The following ARHGEF26 variants were observed in gnomAD, a reference collection of about 807,000 sequenced individuals.
ARHGEF26 encodes Rho guanine nucleotide exchange factor 26.
A neutral mutation model predicts 89.4 loss-of-function variants in ARHGEF26; 59 were observed. The observed-to-expected ratio is 0.66, with a 90% CI of 0.54 to 0.82. The LOEUF (loss-of-function observed/expected upper bound fraction) is 0.82. Among genes scored for constraint, ARHGEF26 ranks in the 40% least tolerant of loss-of-function variants. The pLI is 0.00. For missense variants in ARHGEF26, 1,234 were observed against 1,085.6 expected (o/e 1.14, Z -1.92); for synonymous variants, 500 against 428.4 (o/e 1.17, Z -2.06).
At chr3:154,165,969 G>A (rs1711994141) in intron 6 of ARHGEF26, among the ~76,000 whole-genome samples, 1 of 152,200 alleles carries the variant, frequency 6.6e-6, no homozygotes, top group Non-Finnish European at 1.5e-5. Flanking sequence ...GGGTCTGGAT[G>A]TAGTGAAAGC....
At chr3:154,235,870 T>G (rs1194834544) in intron 11 of ARHGEF26, among the ~76,000 whole-genome samples, 1 of 152,220 alleles carries the variant, frequency 6.6e-6, no homozygotes, top group Non-Finnish European at 1.5e-5. Context: ...TCTTTATTCT[T>G]GTGCTAACTA....
intron 9 of ARHGEF26, among the ~76,000 whole-genome samples, chr3:154,201,639 A>G (rs1291612506): frequency 7.3e-5 from 11 of 150,348 alleles, no homozygotes; most frequent in African/African-American, 2.7e-4. Context: ...AAGTGTTCCT[A>G]TTTCTCCACA....
intron 10 of ARHGEF26, among the ~76,000 whole-genome samples, chr3:154,222,669 T>C (rs1559909987): frequency 6.6e-6 from 1 of 151,880 alleles, no homozygotes; most frequent in Non-Finnish European, 1.5e-5. Flanking sequence ...CATTGAAGAG[T>C]GAGTGGGATG....
rs187974509 is a variant in ARHGEF26, at chr3:154,256,790, G to A, written c.*1317G>A. Reference sequence around the variant, plus strand: ...ACCTTAGTGGGAATTCATTCTATTTGCACTAAAAGCCTTAACTTGCTGTAT... The same window carrying A: ...ACCTTAGTGGGAATTCATTCTATTTACACTAAAAGCCTTAACTTGCTGTAT... On this transcript the variant is annotated 3_prime_UTR_variant, in exon 15 of 15. Coordinates refer to ENST00000465093, the MANE Select transcript of ARHGEF26 (RefSeq NM_015595.4). The A allele has an allele frequency of 2.7e-4, 404 of 1,482,754 alleles. 4 individuals are homozygous for A. In the African/African-American group the frequency reaches 2.8e-3, roughly 10 times the overall value. The allele number at this position is 1,482,754 out of a possible 1,614,324, so 91.8% of individuals were successfully genotyped here.
At chr3:154,178,201 C>T (rs748415886) in intron 6 of ARHGEF26, among the ~76,000 whole-genome samples, 8 of 152,042 alleles carry the variant, frequency 5.3e-5, no homozygotes, top group Non-Finnish European at 1.2e-4. Flanking sequence ...GAGACTCCAT[C>T]TTAAAAAACA....
chr3:154,142,681 A>G (rs1388707364), intron 4 of ARHGEF26, among the ~76,000 whole-genome samples: 3 of 152,192 alleles, frequency 2.0e-5, no homozygotes, highest in African/African-American at 7.2e-5. Context: ...CAACTAATAT[A>G]TTGGCATCAC....
intron 6 of ARHGEF26, 50 bp from the exon 7 acceptor site, chr3:154,187,635 T>A: frequency 6.7e-7 from 1 of 1,495,064 alleles, no homozygotes; most frequent in South Asian, 1.3e-5. Context: ...CTGTTATCTG[T>A]TAGAGTGTAT....
At chr3:154,242,464 C>G (rs1482645581) in intron 12 of ARHGEF26, among the ~76,000 whole-genome samples, 1 of 152,144 alleles carries the variant, frequency 6.6e-6, no homozygotes, top group Non-Finnish European at 1.5e-5. Context: ...GAAATGGAGA[C>G]TGAAGATGCA....
chr3:154,181,858 T>C (rs1357577892), intron 6 of ARHGEF26, among the ~76,000 whole-genome samples: 2 of 152,144 alleles, frequency 1.3e-5, no homozygotes, highest in Non-Finnish European at 2.9e-5. Flanking sequence ...CTGACCCAAT[T>C]TGTGGGCATT....
chr3:154,254,282 T>C (rs1718341981), intron 13 of ARHGEF26, among the ~76,000 whole-genome samples: 1 of 152,212 alleles, frequency 6.6e-6, no homozygotes. Context: ...ATTTTATTTC[T>C]AAACTTTTTT....
chr3:154,205,975 CAGTG>C (rs1289949111), intron 9 of ARHGEF26, among the ~76,000 whole-genome samples: 2 of 152,054 alleles, frequency 1.3e-5, no homozygotes, highest in Non-Finnish European at 2.9e-5. Flanking sequence ...TTACTATTAA[CAGTG>C]AGTTTTGTAC....
In ARHGEF26 at chr3:154,124,426, G is replaced by C; in HGVS notation, c.1100G>C (p.Gly367Ala). ...GTCTCTTAGAAAAAAATGCTGAAAG[G>C]ACAAGGAACATTTGATGGGGAAGGT... is the stretch of plus-strand genomic sequence containing the variant. The part of the protein sequence containing the change: ...LGRIKKKMLK[G>A]QGTFDGEENA... The change falls in exon 3 of 15, where the codon GGA (glycine) becomes GCA (alanine). Residue 367 changes from glycine to alanine, a missense_variant. By Grantham distance (60) the Gly-to-Ala change is moderately conservative. Transcript: ENST00000465093. 6.7e-7 allele frequency: 1 copy of C among 1,493,760 alleles called. No individual in the cohort carries two copies. The highest frequency in any genetic ancestry group is 8.8e-7 in the Non-Finnish European group (1 of 1,130,496). 92.5% of individuals were successfully genotyped at this position (1,493,760 alleles called of 1,614,324 possible).
chr3:154,123,164 A>G, intron 2 of ARHGEF26, 89 bp downstream of exon 2: 1 of 1,525,886 alleles, frequency 6.6e-7, no homozygotes, highest in Non-Finnish European at 8.9e-7. Flanking sequence ...AGGAAACCCG[A>G]AGAAGTCATT....
In ARHGEF26 at chr3:154,215,627, T is replaced by TC. The variant is rs544440652; in HGVS notation, c.1846-2240dup. On this transcript the variant is annotated intron_variant, in intron 9 of 14. Coordinates refer to ENST00000465093, the MANE Select transcript of ARHGEF26 (RefSeq NM_015595.4). ...GCTCACAGTTGTGGAGGCTGGGCAG[T>TC]CCAAGACCAAGATATAGGCAGAACC... 3.4e-3 allele frequency among the ~76,000 whole-genome samples: 512 copies of TC among 152,208 alleles called. 4 individuals are homozygous for TC. Among genetic ancestry groups the TC allele is most frequent in the Non-Finnish European group, 5.2e-3 (357 of 68,006 alleles).
chr3:154,227,292 ATT>A (rs10707250), intron 11 of ARHGEF26, among the ~76,000 whole-genome samples: 2,201 of 111,756 alleles, frequency 0.02, 24 homozygotes, highest in African/African-American at 0.055. Flanking sequence ...CTAAGTAAAA[ATT>A]TTTTTTTTTT....
chr3:154,244,695 T>G (rs972636741), intron 12 of ARHGEF26, among the ~76,000 whole-genome samples: 12 of 151,718 alleles, frequency 7.9e-5, no homozygotes, highest in African/African-American at 2.9e-4. Flanking sequence ...AATAACAAAT[T>G]ATAAATATAT....
intron 6 of ARHGEF26, among the ~76,000 whole-genome samples, chr3:154,161,100 T>TTGTG (rs761296397): frequency 4.3e-3 from 76 of 17,624 alleles, no homozygotes; most frequent in South Asian, 0.014. Flanking sequence ...GTAGCCAGGT[T>TTGTG]TGTGTGTGTG....
chr3:154,190,196 G>A (rs1237059410), intron 7 of ARHGEF26, among the ~76,000 whole-genome samples: 2 of 151,990 alleles, frequency 1.3e-5, no homozygotes, highest in Admixed American at 1.3e-4. Context: ...GGGGACAAGA[G>A]TGTCAGATTT....
intron 3 of ARHGEF26, among the ~76,000 whole-genome samples, chr3:154,126,239 T>A (rs1023406424): frequency 6.6e-6 from 1 of 152,164 alleles, no homozygotes; most frequent in Non-Finnish European, 1.5e-5. Flanking sequence ...CTGTAGTTGA[T>A]GAGAAAAGGG....
Sources: gnomAD v4.1 joint callset for allele counts (sites outside exome capture counted in the v4.1 genomes callset) on GRCh38, gnomAD v4.1.1 for gene constraint, MANE v1.5 for transcripts, NCBI Gene and HGNC (gene_info 2026-07-23, HGNC 2026-07-21) for gene names.